The following DLGAP4 variants were observed in gnomAD, a reference collection of about 807,000 sequenced individuals.
DLGAP4 encodes disks large-associated protein 4.
A neutral mutation model predicts 86.9 loss-of-function variants in DLGAP4; 18 were observed. The observed-to-expected ratio is 0.21, with a 90% CI of 0.14 to 0.31. DLGAP4 has a LOEUF of 0.31. Ranked by LOEUF, DLGAP4 falls within the 10% of genes least tolerant of loss-of-function variation. DLGAP4 has a pLI of 1.00. For synonymous variants in DLGAP4, 548 were observed against 574.3 expected (o/e 0.95, Z 0.65); for missense variants, 1,085 against 1,362.6 (o/e 0.80, Z 3.21).
intron 2 of DLGAP4, among the ~76,000 whole-genome samples, chr20:36,368,696 C>T (rs949513028): frequency 1.3e-5 from 2 of 152,162 alleles, no homozygotes; most frequent in Admixed American, 6.5e-5. Context: ...GCAAACACAC[C>T]TTATTGTGCT....
chr20:36,338,875 C>T (rs1206693420), intron 1 of DLGAP4, among the ~76,000 whole-genome samples: 8 of 152,158 alleles, frequency 5.3e-5, no homozygotes, highest in East Asian at 1.9e-4. Context: ...GAAGGGCATT[C>T]TGGGCAAGGA....
chr20:36,429,821 A>G (rs1357571753), intron 2 of DLGAP4, among the ~76,000 whole-genome samples: 8 of 152,180 alleles, frequency 5.3e-5, no homozygotes, highest in Non-Finnish European at 8.8e-5. Flanking sequence ...ACACCTGCCA[A>G]GTTCCTTTTG....
chr20:36,384,088 T>G (rs1252280973), intron 2 of DLGAP4, among the ~76,000 whole-genome samples: 1 of 152,122 alleles, frequency 6.6e-6, no homozygotes, highest in East Asian at 1.9e-4. Context: ...AAAGAAGCTT[T>G]CATTGCCACC....
At chr20:36,495,849 G>GT (rs1195717572) in intron 7 of DLGAP4, among the ~76,000 whole-genome samples, 1 of 152,062 alleles carries the variant, frequency 6.6e-6, no homozygotes, top group Non-Finnish European at 1.5e-5. Flanking sequence ...AAGGATGTGT[G>GT]TTTTTTTGTT....
intron 7 of DLGAP4, chr20:36,461,668 G>GC: frequency 1.3e-4 from 9 of 69,028 alleles, no homozygotes; most frequent in Non-Finnish European, 1.9e-4. Flanking sequence ...GCCCCGCCCG[G>GC]CCCGGCCCGG....
chr20:36,342,502 G>A (rs1322463568), intron 1 of DLGAP4, among the ~76,000 whole-genome samples: 1 of 152,162 alleles, frequency 6.6e-6, no homozygotes. Context: ...TGACAGCCTC[G>A]GTACTACCAA....
Position 36,500,434 on chromosome 20 carries a change from C to G in DLGAP4, c.2335C>G (p.Pro779Ala). 1 of 1,575,050 alleles carries G rather than the reference C, an allele frequency of 6.3e-7. No homozygotes were observed. Among genetic ancestry groups the G allele is most frequent in the Non-Finnish European group, 8.6e-7 (1 of 1,157,592 alleles). Residue 779 changes from proline (P) to alanine (A), a missense_variant, in exon 10 of 13, where the codon CCA becomes GCA. Physicochemically the swap from Pro to Ala is conservative, Grantham distance 27. Around this residue, in one of 2 missense-constraint regions of DLGAP4, gnomAD observed 1,082 missense variants for 1,344.1 expected, o/e 0.81. Coordinates refer to ENST00000339266, the MANE Select transcript of DLGAP4 (RefSeq NM_001365621.2). This position sits in a 1 kb window ranked among gnomAD's most constrained non-coding sequence, Gnocchi z 4.6. ...TGCCCTAGAGGCGTCCTCGCTGCCC[C>G]CACCCGACCCCTGGCTCGAGACCTC... ...DPALEASSLP[P>A]PDPWLETSSS...
At chr20:36,389,781 AAGT>A (rs1281107798) in intron 2 of DLGAP4, among the ~76,000 whole-genome samples, 1 of 152,230 alleles carries the variant, frequency 6.6e-6, no homozygotes, top group Non-Finnish European at 1.5e-5. Flanking sequence ...AGGAAACAAG[AAGT>A]AGCATGATTC....
intron 2 of DLGAP4, among the ~76,000 whole-genome samples, chr20:36,423,135 G>A (rs1380217350): frequency 2.0e-5 from 3 of 152,174 alleles, no homozygotes; most frequent in Non-Finnish European, 2.9e-5. Context: ...GGACCAGTAC[G>A]AGGTCACAGC....
chr20:36,420,764 G>C (rs916723670), intron 2 of DLGAP4, among the ~76,000 whole-genome samples: 1 of 151,320 alleles, frequency 6.6e-6, no homozygotes, highest in South Asian at 2.1e-4. Context: ...ACCTGAGGTC[G>C]GGAGTTCAAG....
At chr20:36,343,621 C>A (rs1157995547) in intron 1 of DLGAP4, among the ~76,000 whole-genome samples, 1 of 142,450 alleles carries the variant, frequency 7.0e-6, no homozygotes, top group Non-Finnish European at 1.5e-5. Context: ...TACCAGGTAC[C>A]CCCCCCCAAC....
intron 7 of DLGAP4, among the ~76,000 whole-genome samples, chr20:36,489,268 A>G (rs1411888675): frequency 6.6e-6 from 1 of 152,196 alleles, no homozygotes; most frequent in Non-Finnish European, 1.5e-5. Context: ...TTGCACATAT[A>G]GAATTAGTAA....
intron 1 of DLGAP4, among the ~76,000 whole-genome samples, chr20:36,328,274 G>A (rs2065235911): frequency 6.6e-6 from 1 of 152,136 alleles, no homozygotes; most frequent in Non-Finnish European, 1.5e-5. Context: ...TGTGTCAGGT[G>A]GTTGGGTGTG....
chr20:36,499,416 C>A, intron 8 of DLGAP4, 172 bp from the exon 9 acceptor site: 1 of 1,449,750 alleles, frequency 6.9e-7, no homozygotes. Flanking sequence ...CAGTGCCCGG[C>A]TTAACCTGGT....
chr20:36,427,818 C>T, intron 2 of DLGAP4, among the ~76,000 whole-genome samples: 1 of 151,794 alleles, frequency 6.6e-6, no homozygotes, highest in East Asian at 1.9e-4. Flanking sequence ...TGGTGCGTGC[C>T]TATAATCCCG....
intron 2 of DLGAP4, among the ~76,000 whole-genome samples, chr20:36,380,055 C>T (rs2031314855): frequency 6.6e-6 from 1 of 151,676 alleles, no homozygotes; most frequent in Non-Finnish European, 1.5e-5. Context: ...TGGTGGCAGG[C>T]ACCTCTAGTT....
intron 8 of DLGAP4, chr20:36,499,311 C>T: frequency 6.2e-7 from 1 of 1,613,828 alleles, no homozygotes; most frequent in Non-Finnish European, 8.5e-7. Context: ...TGTGATGGCA[C>T]CCTCCTCAGA....
At chr20:36,435,511 T>A (rs921065981) in intron 3 of DLGAP4, among the ~76,000 whole-genome samples, 1 of 152,210 alleles carries the variant, frequency 6.6e-6, no homozygotes, top group Non-Finnish European at 1.5e-5. Context: ...GAAGTTCAGA[T>A]GGGAAAACTG....
At chr20:36,523,690 G>A (rs1350292832) in intron 10 of DLGAP4, among the ~76,000 whole-genome samples, 1 of 152,134 alleles carries the variant, frequency 6.6e-6, no homozygotes, top group African/African-American at 2.4e-5. Context: ...TTGAGACTGA[G>A]TCTCCCTCTG....
Sources: allele counts gnomAD v4.1 joint callset (sites outside exome capture counted in the v4.1 genomes callset), GRCh38; gene constraint gnomAD v4.1.1; regional missense constraint gnomAD v4.1.1; non-coding constraint Gnocchi (gnomAD v3.1); transcripts MANE v1.5; gene names NCBI Gene and HGNC (gene_info 2026-07-23, HGNC 2026-07-21).